NPAS3: variants seen among roughly 807,000 people sequenced by gnomAD.
NPAS3 encodes the protein neuronal PAS domain-containing protein 3.
Under a neutral mutation model 73.1 loss-of-function variants are expected in NPAS3, and 14 were observed. That is an observed-to-expected ratio of 0.19 (90% CI 0.13 to 0.30). NPAS3 has a LOEUF of 0.30. Among genes scored for constraint, NPAS3 ranks in the 10% least tolerant of loss-of-function variants. The pLI, the probability that NPAS3 is intolerant of heterozygous loss-of-function variation, is 1.00. For missense variants in NPAS3, 1,096 were observed against 1,250.0 expected, an observed-to-expected ratio of 0.88 and a Z score of 1.86; for synonymous variants, 620 against 541.5, an observed-to-expected ratio of 1.14 and a Z score of -2.01.
intron 3 of NPAS3, among the ~76,000 whole-genome samples, chr14:33,354,025 A>G (rs1050633543): frequency 6.6e-6 from 1 of 152,148 alleles, no homozygotes; most frequent in Admixed American, 6.5e-5. Flanking sequence ...TTATAGTGAA[A>G]TATTGAAAAA....
chr14:33,643,375 T>TAAAA (rs755879056), intron 5 of NPAS3, among the ~76,000 whole-genome samples: 6 of 94,632 alleles, frequency 6.3e-5, no homozygotes, highest in East Asian at 3.1e-4. Flanking sequence ...AAATAAAAAT[T>TAAAA]AAAAAAAAAA....
At chr14:33,480,559 C>T (rs1285940478) in intron 4 of NPAS3, among the ~76,000 whole-genome samples, 1 of 122,836 alleles carries the variant, frequency 8.1e-6, no homozygotes, top group East Asian at 2.8e-4. Context: ...CTTCCTCCCT[C>T]CCTCCCTCCC....
chr14:33,017,206 C>A (rs2039427110), intron 1 of NPAS3, among the ~76,000 whole-genome samples: 1 of 152,046 alleles, frequency 6.6e-6, no homozygotes, highest in South Asian at 2.1e-4. Context: ...CAAATGGATG[C>A]CTAAAATTAG....
chr14:33,564,937 A>AC (rs1343372302), intron 5 of NPAS3, among the ~76,000 whole-genome samples: 2 of 151,518 alleles, frequency 1.3e-5, no homozygotes, highest in African/African-American at 4.9e-5. Context: ...TGTTCTAATC[A>AC]CCCCCCACTG....
At chr14:33,275,591 A>C (rs888462270) in intron 3 of NPAS3, among the ~76,000 whole-genome samples, 1 of 152,150 alleles carries the variant, frequency 6.6e-6, no homozygotes, top group African/African-American at 2.4e-5. Flanking sequence ...GAATTAAGTA[A>C]TTTTGCTTCC....
intron 10 of NPAS3, among the ~76,000 whole-genome samples, chr14:33,796,252 G>C (rs947243918): frequency 3.9e-5 from 6 of 152,178 alleles, no homozygotes; most frequent in African/African-American, 1.4e-4. Context: ...GTCCTTCCCT[G>C]TTCTGAAACT....
At chr14:33,298,446 T>C (rs1425067342) in intron 3 of NPAS3, among the ~76,000 whole-genome samples, 1 of 152,180 alleles carries the variant, frequency 6.6e-6, no homozygotes, top group Non-Finnish European at 1.5e-5. Context: ...TTCAGGGAAA[T>C]CTTTAGAGAC....
At chr14:33,458,120 TC>T (rs1247496554) in intron 4 of NPAS3, among the ~76,000 whole-genome samples, 6 of 152,236 alleles carry the variant, frequency 3.9e-5, no homozygotes, top group Non-Finnish European at 5.9e-5. Flanking sequence ...TGCCCGGTTG[TC>T]CAAATTACTT....
intron 4 of NPAS3, among the ~76,000 whole-genome samples, chr14:33,436,148 G>A (rs903064092): frequency 1.4e-4 from 22 of 152,172 alleles, no homozygotes; most frequent in African/African-American, 5.1e-4. Context: ...GGGAGTGGTG[G>A]AAAGAAAGCA....
intron 1 of NPAS3, among the ~76,000 whole-genome samples, chr14:32,947,571 A>G (rs1260071923): frequency 1.9e-4 from 29 of 152,084 alleles, no homozygotes; most frequent in Non-Finnish European, 4.4e-5. Flanking sequence ...CAGCATATAT[A>G]TGTCACATGA....
chr14:33,344,060 G>GA (rs1417772161), intron 3 of NPAS3, among the ~76,000 whole-genome samples: 1 of 152,162 alleles, frequency 6.6e-6, no homozygotes, highest in Non-Finnish European at 1.5e-5. Context: ...CCCATACTTA[G>GA]AGTGATACAA....
intron 4 of NPAS3, among the ~76,000 whole-genome samples, chr14:33,518,822 C>A (rs970274983): frequency 1.3e-4 from 20 of 152,144 alleles, no homozygotes; most frequent in African/African-American, 4.3e-4. Context: ...AAGGATTGAA[C>A]AGTTGTCCAT....
intron 6 of NPAS3, among the ~76,000 whole-genome samples, chr14:33,708,307 C>T (rs554806056): frequency 1.9e-4 from 29 of 152,116 alleles, no homozygotes; most frequent in African/African-American, 6.7e-4. Flanking sequence ...TGAAGAAGTC[C>T]CCAAAACCAT....
At position 33,284,987 on chromosome 14, in the gene NPAS3, C is replaced by A. The variant is rs1427056915; in HGVS notation, c.385+69561C>A. Among the ~76,000 whole-genome samples the A allele has an allele frequency of 2.0e-5, 3 of 152,246 alleles. No individual in the cohort carries two copies. The East Asian group carries it at 5.8e-4, about 29-fold the overall frequency. ...ACTATGCTAGTGTGCACTTTGGAAACGTCCAAGGAGATGGAAAATATATGA... is the reference window on the plus strand; with the variant it reads ...ACTATGCTAGTGTGCACTTTGGAAAAGTCCAAGGAGATGGAAAATATATGA... On this transcript the variant is annotated intron_variant, in intron 3 of 11. Coordinates refer to ENST00000356141, the Ensembl canonical transcript of NPAS3.
intron 4 of NPAS3, among the ~76,000 whole-genome samples, chr14:33,407,859 A>C (rs1393938303): frequency 2.0e-5 from 3 of 152,156 alleles, no homozygotes; most frequent in Non-Finnish European, 1.5e-5. Context: ...TTTTCCAGCC[A>C]GGATACATTC....
At chr14:33,291,626 C>T (rs149067321) in intron 3 of NPAS3, among the ~76,000 whole-genome samples, 12 of 152,052 alleles carry the variant, frequency 7.9e-5, no homozygotes, top group African/African-American at 2.2e-4. Flanking sequence ...ATACAGGATC[C>T]GCTGGCTTTA....
At chr14:33,126,963 G>A (rs967969590) in intron 2 of NPAS3, among the ~76,000 whole-genome samples, 1 of 151,800 alleles carries the variant, frequency 6.6e-6, no homozygotes, top group African/African-American at 2.4e-5. Flanking sequence ...TCACTTCACC[G>A]CTCAATTTAA....
chr14:33,096,205 C>G (rs1178890144), intron 2 of NPAS3, among the ~76,000 whole-genome samples: 1 of 151,396 alleles, frequency 6.6e-6, no homozygotes. Flanking sequence ...CTGGTGTTAT[C>G]TTTTTAAAAA....
intron 4 of NPAS3, among the ~76,000 whole-genome samples, chr14:33,512,771 ACT>A (rs1164177147): frequency 1.3e-5 from 2 of 151,988 alleles, no homozygotes; most frequent in African/African-American, 2.4e-5. Flanking sequence ...TAGATGTGGA[ACT>A]CTCTATGTAG....
Sources: allele counts gnomAD v4.1 joint callset (sites outside exome capture counted in the v4.1 genomes callset), GRCh38; gene constraint gnomAD v4.1.1; transcripts MANE v1.5; gene names NCBI Gene and HGNC (gene_info 2026-07-23, HGNC 2026-07-21).